The following IL1RAPL1 variants were observed in gnomAD, a reference collection of about 807,000 sequenced individuals.
IL1RAPL1 encodes interleukin-1 receptor accessory protein-like 1.
In IL1RAPL1, 3 loss-of-function variants were observed where a neutral mutation model predicts 48.4. That is an observed-to-expected ratio of 0.06 (90% CI 0.03 to 0.16). The LOEUF (loss-of-function observed/expected upper bound fraction) is 0.16. IL1RAPL1 is among the 10% of genes least tolerant of loss of function. IL1RAPL1 has a pLI of 1.00. For missense variants in IL1RAPL1, 349 were observed against 530.6 expected, an observed-to-expected ratio of 0.66 and a Z score of 3.36; for synonymous variants, 185 against 187.7, an observed-to-expected ratio of 0.99 and a Z score of 0.12.
chrX:29,877,799 T>C lies in IL1RAPL1; in HGVS notation c.779-39665T>C, dbSNP rs1053175252. Among the ~76,000 whole-genome samples the C allele has an allele frequency of 2.7e-5, 3 of 111,787 alleles. No individual in the cohort carries two copies. In the East Asian group the frequency reaches 8.5e-4, roughly 32 times the overall value. ...ATTTAAACAGGAATCAAAACTGTTT[T>C]AATAATTTTTGAAAGCATTCCCATG... On this transcript the variant is annotated intron_variant, in intron 6 of 10. Coordinates refer to ENST00000378993, the MANE Select transcript of IL1RAPL1 (RefSeq NM_014271.4).
intron 3 of IL1RAPL1, among the ~76,000 whole-genome samples, chrX:29,309,225 T>C (rs1443174352): frequency 1.8e-5 from 2 of 111,750 alleles, no homozygotes; most frequent in African/African-American, 6.5e-5. Context: ...GAAAGTATAC[T>C]CAACTTTATT....
At chrX:29,086,467 C>T (rs922961346) in intron 2 of IL1RAPL1, among the ~76,000 whole-genome samples, 5 of 112,057 alleles carry the variant, frequency 4.5e-5, no homozygotes, top group African/African-American at 1.6e-4. Flanking sequence ...TGAAATGTCT[C>T]AAAAAAGACT....
intron 2 of IL1RAPL1, among the ~76,000 whole-genome samples, chrX:29,066,259 A>G (rs772667127): frequency 8.9e-6 from 1 of 111,980 alleles, no homozygotes; most frequent in South Asian, 3.8e-4. Context: ...TTTTCCTGAC[A>G]GTATGAAGCT....
At chrX:29,755,233 A>G (rs7056213) in intron 6 of IL1RAPL1, among the ~76,000 whole-genome samples, 7,392 of 112,025 alleles carry the variant, frequency 0.066, 612 homozygotes, top group African/African-American at 0.23. Context: ...ATATTCCATC[A>G]TCTTTGACAT....
intron 6 of IL1RAPL1, among the ~76,000 whole-genome samples, chrX:29,888,212 A>G (rs929634224): frequency 1.8e-5 from 2 of 108,176 alleles, no homozygotes; most frequent in Admixed American, 1.0e-4. Context: ...TGTGAATAAC[A>G]TTGCAACTGA....
intron 1 of IL1RAPL1, among the ~76,000 whole-genome samples, chrX:28,593,169 A>G (rs768537518): frequency 9.0e-6 from 1 of 111,721 alleles, no homozygotes; most frequent in East Asian, 2.8e-4. Flanking sequence ...TTGGTTTACT[A>G]GGAAAGATCC....
intron 6 of IL1RAPL1, among the ~76,000 whole-genome samples, chrX:29,697,456 T>C (rs1448858812): frequency 2.7e-5 from 3 of 112,282 alleles, no homozygotes; most frequent in Non-Finnish European, 5.6e-5. Flanking sequence ...TTCCACAATG[T>C]TTTTAACTGA....
chrX:28,896,104 G>T (rs1022543684), intron 2 of IL1RAPL1, among the ~76,000 whole-genome samples: 1 of 111,929 alleles, frequency 8.9e-6, no homozygotes, highest in African/African-American at 3.2e-5. Flanking sequence ...GCTGCGGTTC[G>T]GGCATTTGGA....
chrX:29,787,942 T>C (rs1334931887), intron 6 of IL1RAPL1, among the ~76,000 whole-genome samples: 1 of 112,195 alleles, frequency 8.9e-6, no homozygotes, highest in East Asian at 2.8e-4. Context: ...GAAGTCACTA[T>C]TGTCAAAGCA....
chrX:29,266,176 T>C (rs1187599925), intron 2 of IL1RAPL1, among the ~76,000 whole-genome samples: 1 of 111,610 alleles, frequency 9.0e-6, no homozygotes, highest in Non-Finnish European at 1.9e-5. Flanking sequence ...CGTATATTTA[T>C]TGCGGCACTA....
intron 6 of IL1RAPL1, among the ~76,000 whole-genome samples, chrX:29,867,515 C>T (rs1931720824): frequency 8.9e-6 from 1 of 111,964 alleles, no homozygotes; most frequent in Admixed American, 9.5e-5. Context: ...GAGACCAGTC[C>T]CTTACCAGAT....
intron 2 of IL1RAPL1, among the ~76,000 whole-genome samples, chrX:28,808,986 A>C (rs1936761402): frequency 9.0e-6 from 1 of 110,632 alleles, no homozygotes; most frequent in Non-Finnish European, 1.9e-5. Context: ...TAAAGAAAAT[A>C]TTTGGAAACG....
At chrX:28,774,284 A>T (rs1004649099) in intron 1 of IL1RAPL1, among the ~76,000 whole-genome samples, 1 of 111,638 alleles carries the variant, frequency 9.0e-6, no homozygotes, top group Non-Finnish European at 1.9e-5. Context: ...TTAGTTATCT[A>T]TTGCTGCATA....
At chrX:29,051,880 G>A (rs1015272445) in intron 2 of IL1RAPL1, among the ~76,000 whole-genome samples, 1 of 112,072 alleles carries the variant, frequency 8.9e-6, no homozygotes, top group Non-Finnish European at 1.9e-5. Context: ...ATTGACTTTT[G>A]TCCAGCATCC....
At chrX:29,936,417 G>C (rs1454415216) in intron 8 of IL1RAPL1, among the ~76,000 whole-genome samples, 1 of 109,716 alleles carries the variant, frequency 9.1e-6, no homozygotes, top group Admixed American at 9.9e-5. Flanking sequence ...CACTTCAAAA[G>C]ACTTTTTATA....
At chrX:29,881,305 G>A (rs1932026768) in intron 6 of IL1RAPL1, among the ~76,000 whole-genome samples, 1 of 111,337 alleles carries the variant, frequency 9.0e-6, no homozygotes, top group South Asian at 3.8e-4. Context: ...AAAAGTGGAG[G>A]ATGTGTGGAG....
intron 6 of IL1RAPL1, among the ~76,000 whole-genome samples, chrX:29,832,772 T>C (rs1238311049): frequency 9.4e-6 from 1 of 106,592 alleles, no homozygotes; most frequent in Non-Finnish European, 1.9e-5. Flanking sequence ...CACAATGTTA[T>C]GCAGAGAGTT....
At chrX:28,745,847 T>C (rs1464898707) in intron 1 of IL1RAPL1, among the ~76,000 whole-genome samples, 1 of 112,020 alleles carries the variant, frequency 8.9e-6, no homozygotes, top group Non-Finnish European at 1.9e-5. Context: ...AATGCATTTC[T>C]ACATGTGTAG....
At chrX:28,749,524 A>T (rs1936014718) in intron 1 of IL1RAPL1, among the ~76,000 whole-genome samples, 1 of 111,307 alleles carries the variant, frequency 9.0e-6, no homozygotes, top group Non-Finnish European at 1.9e-5. Context: ...GATGTTGAGC[A>T]TTTTTTTCAT....
Sources: allele counts gnomAD v4.1 joint callset (sites outside exome capture counted in the v4.1 genomes callset), GRCh38; gene constraint gnomAD v4.1.1; transcripts MANE v1.5; gene names NCBI Gene and HGNC (gene_info 2026-07-23, HGNC 2026-07-21).